PKP2: variants seen among roughly 807,000 people sequenced by gnomAD.
PKP2 encodes plakophilin-2.
In PKP2, 73 loss-of-function variants were observed where a neutral mutation model predicts 83.4. The ratio of observed to expected loss-of-function variants is 0.88; its 90% CI spans 0.72 to 1.06. PKP2 has a LOEUF of 1.06. Among genes scored for constraint, PKP2 ranks in the 50% least tolerant of loss-of-function variants. The pLI is 0.00. For synonymous variants in PKP2, 409 were observed against 430.4 expected, an observed-to-expected ratio of 0.95 and a Z score of 0.62; for missense variants, 966 against 1,065.4, an observed-to-expected ratio of 0.91 and a Z score of 1.30.
At chr12:32,824,807 T>C (rs1037979120) in intron 6 of PKP2, among the ~76,000 whole-genome samples, 1 of 152,204 alleles carries the variant, frequency 6.6e-6, no homozygotes, top group Non-Finnish European at 1.5e-5. Flanking sequence ...CTATTTCTAA[T>C]ATTGCTAAGT....
At chr12:32,877,587 C>T (rs1372871501) in intron 3 of PKP2, among the ~76,000 whole-genome samples, 1 of 152,196 alleles carries the variant, frequency 6.6e-6, no homozygotes, top group Non-Finnish European at 1.5e-5. Context: ...GTCCCTTCAG[C>T]CAGCATCTAA....
intron 3 of PKP2, among the ~76,000 whole-genome samples, chr12:32,877,637 G>A (rs1229136749): frequency 6.6e-6 from 1 of 152,192 alleles, no homozygotes; most frequent in African/African-American, 2.4e-5. Context: ...TCCATACAAA[G>A]CTGCCATGTG....
intron 9 of PKP2, among the ~76,000 whole-genome samples, chr12:32,804,221 T>C (rs1247998657): frequency 1.3e-5 from 2 of 152,274 alleles, no homozygotes; most frequent in South Asian, 2.1e-4. Context: ...ACTGGGTCCT[T>C]TAGGGATGAG....
chr12:32,865,394 A>C (rs1036391772), intron 4 of PKP2, among the ~76,000 whole-genome samples: 8 of 144,438 alleles, frequency 5.5e-5, no homozygotes, highest in African/African-American at 2.1e-4. Context: ...AAAAAAAAAA[A>C]AATCGGCTGG....
Position 32,873,782 on chromosome 12 carries a change from G to A in PKP2, c.1034+4064C>T, listed in dbSNP as rs377431253. ...TGACCTCAAGTGATCCGCCCACCTC[G>A]GCCTCGTAAAGTGCTGGGATTACAG... On this transcript the variant is annotated intron_variant, in intron 3 of 12. Transcript: ENST00000340811. Among the ~76,000 whole-genome samples the A allele has an allele frequency of 4.0e-5, 6 of 151,068 alleles. No individual in the cohort carries two copies. The South Asian group carries it at 8.4e-4, about 21-fold the overall frequency.
At chr12:32,795,307 CTG>C (rs922961770) in intron 11 of PKP2, among the ~76,000 whole-genome samples, 9 of 151,280 alleles carry the variant, frequency 5.9e-5, no homozygotes, top group African/African-American at 2.2e-4. Flanking sequence ...AGAGAAAAAA[CTG>C]TGAAAGCAAG....
intron 1 of PKP2, among the ~76,000 whole-genome samples, chr12:32,879,723 G>A (rs374422334): frequency 1.9e-3 from 284 of 151,464 alleles, no homozygotes; most frequent in African/African-American, 6.6e-3. Flanking sequence ...CCAACTATTC[G>A]GGAGGCTGTG....
intron 6 of PKP2, among the ~76,000 whole-genome samples, chr12:32,838,886 G>C (rs747291851): frequency 6.6e-5 from 10 of 152,350 alleles, no homozygotes; most frequent in South Asian, 2.1e-4. Context: ...ACTAGCTTTT[G>C]CTGGGGAAGC....
chr12:32,806,927 A>G (rs1956231211), intron 9 of PKP2, among the ~76,000 whole-genome samples: 1 of 152,150 alleles, frequency 6.6e-6, no homozygotes, highest in Admixed American at 6.5e-5. Context: ...TTAATTTCAT[A>G]CAACTTCTTG....
chr12:32,853,800 C>T (rs923976469), intron 4 of PKP2, among the ~76,000 whole-genome samples: 4 of 152,174 alleles, frequency 2.6e-5, no homozygotes, highest in Admixed American at 6.5e-5. Flanking sequence ...CGTGAGCCAC[C>T]GCGCCCAGCT....
At chr12:32,894,952 A>G (rs1050919931) in intron 1 of PKP2, among the ~76,000 whole-genome samples, 2 of 152,174 alleles carry the variant, frequency 1.3e-5, no homozygotes, top group Non-Finnish European at 2.9e-5. Flanking sequence ...GAACTTCCTC[A>G]ATTTTATTTA....
rs757552761 is a variant in PKP2 at position 32,878,018 on chromosome 12, A to G, written c.862T>C (p.Ser288Pro). The G allele has an allele frequency of 6.2e-7, 1 of 1,613,942 alleles. No individual in the cohort carries two copies. The highest frequency in any genetic ancestry group is 8.5e-7 in the Non-Finnish European group (1 of 1,180,022). Residue 288 changes from serine to proline, a missense_variant, in exon 3 of 13, where the codon TCC (serine) becomes CCC (proline). By Grantham distance (74) the Ser-to-Pro change is moderately conservative (BLOSUM62 -1). Transcript: ENST00000340811. Reference sequence around the variant, plus strand: ...TGGAAGGAGCTCTGATGCCAGGAGGACCTGGAAGCCCTGTTCTGAGTGACG... The same window carrying G: ...TGGAAGGAGCTCTGATGCCAGGAGGGCCTGGAAGCCCTGTTCTGAGTGACG... The part of the protein sequence containing the change: ...QPVTQNRASR[S>P]SWHQSSFHST...
intron 1 of PKP2, among the ~76,000 whole-genome samples, chr12:32,892,004 C>T (rs1412575147): frequency 6.6e-6 from 1 of 152,128 alleles, no homozygotes; most frequent in Non-Finnish European, 1.5e-5. Context: ...AAGTGGCTCA[C>T]AGGCCATATT....
At chr12:32,858,090 T>TATATA (rs1956768164) in intron 4 of PKP2, among the ~76,000 whole-genome samples, 1 of 58,240 alleles carries the variant, frequency 1.7e-5, no homozygotes, top group South Asian at 6.0e-4. Context: ...AAAAAATATA[T>TATATA]ATATATATAT....
In PKP2 at chr12:32,798,508, A is replaced by T. The variant is rs139485014; in HGVS notation, c.2168-2210T>A. ...TTTTTGTACTAACAAGAAAGGTATTAAAAAAATAGACATGCCACTTTCACA... is the reference window on the plus strand; with the variant it reads ...TTTTTGTACTAACAAGAAAGGTATTTAAAAAATAGACATGCCACTTTCACA... On this transcript the variant is annotated intron_variant, in intron 10 of 12. Transcript: ENST00000340811. Among the ~76,000 whole-genome samples the T allele has an allele frequency of 6.3e-3, 962 of 152,008 alleles. 11 individuals are homozygous for T. Among genetic ancestry groups the T allele is most frequent in the African/African-American group, 0.021 (858 of 41,484 alleles).
intron 1 of PKP2, among the ~76,000 whole-genome samples, chr12:32,885,083 A>AT (rs1957019695): frequency 6.6e-6 from 1 of 152,208 alleles, no homozygotes; most frequent in Non-Finnish European, 1.5e-5. Context: ...GAGCAACTTT[A>AT]AACTCCACTC....
intron 1 of PKP2, among the ~76,000 whole-genome samples, chr12:32,879,992 T>C (rs1296281889): frequency 6.6e-6 from 1 of 151,920 alleles, no homozygotes; most frequent in Non-Finnish European, 1.5e-5. Context: ...AAAATTCAGT[T>C]TCCCGAGTCA....
chr12:32,817,523 T>C (rs1309297439), intron 9 of PKP2, among the ~76,000 whole-genome samples: 5 of 152,262 alleles, frequency 3.3e-5, no homozygotes, highest in African/African-American at 1.2e-4. Context: ...TTGTTACTTA[T>C]ACATGTTGCA....
At chr12:32,865,232 G>A (rs1050253318) in intron 4 of PKP2, among the ~76,000 whole-genome samples, 4 of 151,750 alleles carry the variant, frequency 2.6e-5, no homozygotes, top group Admixed American at 6.6e-5. Context: ...AAAATTAGCC[G>A]GGTGTGGTGG....
Sources: allele counts gnomAD v4.1 joint callset (sites outside exome capture counted in the v4.1 genomes callset), GRCh38; gene constraint gnomAD v4.1.1; transcripts MANE v1.5; gene names NCBI Gene and HGNC (gene_info 2026-07-23, HGNC 2026-07-21).